DSTYK: variants seen among roughly 807,000 people sequenced by gnomAD.
DSTYK encodes the protein RIP-homologous kinase.
A neutral mutation model predicts 98.7 loss-of-function variants in DSTYK; 34 were observed. That is an observed-to-expected ratio of 0.34 (90% CI 0.26 to 0.46). DSTYK has a LOEUF of 0.46. Ranked by LOEUF, DSTYK falls within the 20% of genes least tolerant of loss-of-function variation. The pLI is 1.00. For synonymous variants in DSTYK, 462 were observed against 457.3 expected, an observed-to-expected ratio of 1.01 and a Z score of -0.13; for missense variants, 962 against 1,181.7, an observed-to-expected ratio of 0.81 and a Z score of 2.73.
At chr1:205,201,393 AT>A (rs1453385400) in intron 1 of DSTYK, among the ~76,000 whole-genome samples, 3 of 113,182 alleles carry the variant, frequency 2.7e-5, no homozygotes, top group Admixed American at 1.0e-4. Context: ...TAAAAACAAA[AT>A]TTTTTTAATG....
At chr1:205,172,265 A>G (rs1296384273) in intron 2 of DSTYK, among the ~76,000 whole-genome samples, 1 of 150,062 alleles carries the variant, frequency 6.7e-6, no homozygotes, top group African/African-American at 2.5e-5. Flanking sequence ...CATGAGCAGT[A>G]GGTATTTTTG....
chr1:205,168,432 C>G, intron 3 of DSTYK, among the ~76,000 whole-genome samples: 1 of 152,078 alleles, frequency 6.6e-6, no homozygotes, highest in Admixed American at 6.6e-5. Context: ...ATGCTGGGTC[C>G]CATGTCAGAA....
intron 10 of DSTYK, among the ~76,000 whole-genome samples, chr1:205,153,310 T>C (rs1226161448): frequency 6.6e-6 from 1 of 152,178 alleles, no homozygotes; most frequent in African/African-American, 2.4e-5. Context: ...ATTACAGGAC[T>C]GGAGGGTTCA....
At chr1:205,205,765 A>G (rs928776901) in intron 1 of DSTYK, among the ~76,000 whole-genome samples, 3 of 152,186 alleles carry the variant, frequency 2.0e-5, no homozygotes, top group African/African-American at 7.2e-5. Context: ...ATTTTAAATA[A>G]GTACACTAGT....
chr1:205,205,296 T>C (rs1659166302), intron 1 of DSTYK, among the ~76,000 whole-genome samples: 1 of 152,058 alleles, frequency 6.6e-6, no homozygotes, highest in Non-Finnish European at 1.5e-5. Context: ...CTAAGCCCCA[T>C]AAAGATGACA....
chr1:205,184,802 GT>G (rs1167350609), intron 2 of DSTYK, among the ~76,000 whole-genome samples: 3 of 151,962 alleles, frequency 2.0e-5, no homozygotes, highest in Admixed American at 6.6e-5. Context: ...CCAGGCTGGT[GT>G]TGAACATTTG....
intron 1 of DSTYK, among the ~76,000 whole-genome samples, chr1:205,200,785 T>C (rs2102474569): frequency 6.6e-6 from 1 of 152,252 alleles, no homozygotes; most frequent in East Asian, 1.9e-4. Context: ...AGCTCAGGTC[T>C]ACTGGTATTG....
In DSTYK at chr1:205,150,370, A is replaced by T. The variant is rs895875326; in HGVS notation, c.2467+310T>A. Reference sequence around the variant, plus strand: ...ACGGTAAGTTCTTTAATGATAGAGGACAACTCCTATCACACAGGAGTTATT... The same window carrying T: ...ACGGTAAGTTCTTTAATGATAGAGGTCAACTCCTATCACACAGGAGTTATT... On this transcript the variant is annotated intron_variant, in intron 11 of 12. Coordinates refer to ENST00000367162, the MANE Select transcript of DSTYK (RefSeq NM_015375.3). The surrounding 1 kb of genome is among the most constrained non-coding windows in gnomAD (Gnocchi z 4.1). 1.2e-4 allele frequency among the ~76,000 whole-genome samples: 19 copies of T among 152,212 alleles called. No homozygotes were observed. The highest frequency in any genetic ancestry group is 3.6e-4 in the African/African-American group (15 of 41,444).
rs1657222582 is a variant in DSTYK at position 205,146,049 on chromosome 1, G to GCA, written c.*1507_*1508dup. On this transcript the variant is annotated 3_prime_UTR_variant, in exon 13 of 13. Coordinates refer to ENST00000367162, the MANE Select transcript of DSTYK (RefSeq NM_015375.3). Reference sequence around the variant, plus strand: ...AGACACTAGCACACAGGGGTGAGGGGCACACACAGAACTACCAGAGGAGGG... The same window carrying GCA: ...AGACACTAGCACACAGGGGTGAGGGGCACACACACAGAACTACCAGAGGAGGG... 6.6e-6 allele frequency: 1 copy of GCA among 152,138 alleles called. No individual in the cohort carries two copies. The highest frequency in any genetic ancestry group is 1.5e-5 in the Non-Finnish European group (1 of 68,022). 9.4% of individuals were successfully genotyped at this position (152,138 alleles called of 1,614,324 possible).
At chr1:205,196,758 A>ATTCT (rs1658877767) in intron 1 of DSTYK, among the ~76,000 whole-genome samples, 1 of 109,858 alleles carries the variant, frequency 9.1e-6, no homozygotes, top group Admixed American at 1.1e-4. Flanking sequence ...AAAATGGTGA[A>ATTCT]TTTTTTTTTT....
Position 205,169,475 on chromosome 1 carries a change from C to T in DSTYK, c.1012G>A (p.Glu338Lys), listed in dbSNP as rs1443069982. Residue 338 changes from glutamate (E) to lysine (K), a missense_variant, in exon 3 of 13, where the codon GAA (glutamate) becomes AAA (lysine). Physicochemically the swap from Glu to Lys is moderately conservative, Grantham distance 56 (BLOSUM62 1). This residue lies in a region of DSTYK where 660 missense variants were observed against 855.0 expected (regional missense o/e 0.77). Coordinates refer to ENST00000367162, the MANE Select transcript of DSTYK (RefSeq NM_015375.3). The surrounding 1 kb of genome is among the most constrained non-coding windows in gnomAD (Gnocchi z 4.0). ...AATGTGCTCAAGTGTCTCAGCTTTT[C>T]ACTCTGTTCCACCAACATGCTCTGA... ...KAQSMLVEQS[E>K]KLRHLSTFSH... 2 of 1,614,106 alleles carry T rather than the reference C, an allele frequency of 1.2e-6. No individual in the cohort carries two copies. The highest frequency in any genetic ancestry group is 2.2e-5 in the East Asian group (1 of 44,872).
rs1438695120 is a variant in DSTYK, at chr1:205,169,406, C to T, written c.1081G>A (p.Ala361Thr). Residue 361 changes from alanine (A) to threonine (T), a missense_variant, in exon 3 of 13, where the codon GCC becomes ACC. Physicochemically the swap from Ala to Thr is moderately conservative, Grantham distance 58 (BLOSUM62 0). Transcript: ENST00000367162. This position sits in a 1 kb window ranked among gnomAD's most constrained non-coding sequence, Gnocchi z 4.0. ...LQTRLVDAAK[A>T]LNLVHCHCLD... is the part of the protein sequence containing the mutation. ...CAGTGGCAGTGCACCAGGTTCAGGGCCTTGGCTGCATCCACCAGGCGAGTC... is the reference window on the plus strand; with the variant it reads ...CAGTGGCAGTGCACCAGGTTCAGGGTCTTGGCTGCATCCACCAGGCGAGTC... The T allele has an allele frequency of 7.4e-6, 12 of 1,614,024 alleles. No individual in the cohort carries two copies. The highest frequency in any genetic ancestry group is 5.0e-5 in the Admixed American group (3 of 59,978).
intron 1 of DSTYK, among the ~76,000 whole-genome samples, chr1:205,204,279 G>A (rs1382206442): frequency 6.6e-6 from 1 of 152,124 alleles, no homozygotes; most frequent in African/African-American, 2.4e-5. Context: ...TATTCCCATG[G>A]TCAGGTCAGA....
chr1:205,161,467 A>C, intron 6 of DSTYK, 80 bp from the exon 7 acceptor site: 2 of 1,365,788 alleles, frequency 1.5e-6, no homozygotes, highest in Non-Finnish European at 2.0e-6. Flanking sequence ...GGATAATAAT[A>C]TCTACTTCAT....
chr1:205,144,768 C>G lies in DSTYK; in HGVS notation c.*2790G>C, dbSNP rs950503088. 2.0e-5 allele frequency: 3 copies of G among 152,174 alleles called. No homozygotes were observed. Among genetic ancestry groups the G allele is most frequent in the Non-Finnish European group, 4.4e-5 (3 of 68,038 alleles). The allele number at this position is 152,174 out of a possible 1,614,324, so 9.4% of individuals were successfully genotyped here. A position where few individuals can be genotyped will look rare whatever the true frequency, so the allele number is the denominator to read the frequency against. On this transcript the variant is annotated 3_prime_UTR_variant, in exon 13 of 13. Coordinates refer to ENST00000367162, the MANE Select transcript of DSTYK (RefSeq NM_015375.3). Reference sequence around the variant, plus strand: ...CTCATCTCCTTACTTATATCAGTCCCTCCCTTCCACCCTCCCCACTGGGGA... The same window carrying G: ...CTCATCTCCTTACTTATATCAGTCCGTCCCTTCCACCCTCCCCACTGGGGA...
chr1:205,174,548 T>G (rs888701981), intron 2 of DSTYK, among the ~76,000 whole-genome samples: 2 of 147,002 alleles, frequency 1.4e-5, no homozygotes, highest in East Asian at 2.0e-4. Context: ...CTGGGCATGG[T>G]GGCATATGCC....
chr1:205,209,813 C>T (rs111300064), intron 1 of DSTYK, among the ~76,000 whole-genome samples: 3,794 of 152,188 alleles, frequency 0.025, 66 homozygotes, highest in East Asian at 0.067. Flanking sequence ...TTCAAATTTG[C>T]TATGAGCATC....
At chr1:205,165,688 T>C (rs1558606999) in intron 3 of DSTYK, among the ~76,000 whole-genome samples, 1 of 152,236 alleles carries the variant, frequency 6.6e-6, no homozygotes, top group Non-Finnish European at 1.5e-5. Flanking sequence ...ATTTTGCTTC[T>C]AGGAATTCTT....
chr1:205,204,753 C>A (rs1659151575), intron 1 of DSTYK, among the ~76,000 whole-genome samples: 1 of 152,142 alleles, frequency 6.6e-6, no homozygotes, highest in Non-Finnish European at 1.5e-5. Context: ...CTTATTTGCT[C>A]ATTTTCTTCT....
Sources: gnomAD v4.1 joint callset for allele counts (sites outside exome capture counted in the v4.1 genomes callset) on GRCh38, gnomAD v4.1.1 for gene constraint, gnomAD v4.1.1 regional missense constraint, Gnocchi (gnomAD v3.1) non-coding constraint, MANE v1.5 for transcripts, NCBI Gene and HGNC (gene_info 2026-07-23, HGNC 2026-07-21) for gene names.